FRMD6: variants seen among roughly 807,000 people sequenced by gnomAD.
The protein encoded by FRMD6 is FERM domain-containing protein 6.
Under a neutral mutation model 73.2 loss-of-function variants are expected in FRMD6, and 37 were observed. The ratio of observed to expected loss-of-function variants is 0.51; its 90% CI spans 0.39 to 0.66. The LOEUF (loss-of-function observed/expected upper bound fraction) is 0.66, where lower values mean the gene tolerates loss of function less well. FRMD6 is among the 30% of genes least tolerant of loss of function. The pLI, the probability that FRMD6 is intolerant of heterozygous loss-of-function variation, is 0.00. For missense variants in FRMD6, 714 were observed against 780.5 expected (o/e 0.91, Z 1.02); for synonymous variants, 273 against 282.2 (o/e 0.97, Z 0.33).
chr14:51,647,578 T>G (rs1892134512), upstream of FRMD6, among the ~76,000 whole-genome samples: 1 of 152,150 alleles, frequency 6.6e-6, no homozygotes, highest in African/African-American at 2.4e-5. Context: ...TTAATTAAAT[T>G]TATTTTGTTT....
intron 1 of FRMD6, among the ~76,000 whole-genome samples, chr14:51,562,591 T>A (rs1233804673): frequency 6.6e-6 from 1 of 152,154 alleles, no homozygotes; most frequent in East Asian, 1.9e-4. Context: ...CAAAGAGCAT[T>A]CCCTCACTCC....
chr14:51,416,429 G>A, the FRMD6 span, among the ~76,000 whole-genome samples: 1 of 152,204 alleles, frequency 6.6e-6, no homozygotes, highest in Non-Finnish European at 1.5e-5. Flanking sequence ...TCATTCGGGA[G>A]CAGGTTGTTC....
At chr14:51,632,663 G>T (rs1319697830) in intron 2 of FRMD6, among the ~76,000 whole-genome samples, 2 of 152,148 alleles carry the variant, frequency 1.3e-5, no homozygotes, top group Non-Finnish European at 2.9e-5. Context: ...TCTCCAAAAA[G>T]AATGTGGTCT....
chr14:51,670,666 G>C (rs1331643741), intron 1 of FRMD6, among the ~76,000 whole-genome samples: 1 of 148,526 alleles, frequency 6.7e-6, no homozygotes, highest in Admixed American at 6.7e-5. Context: ...TTTTCTTTGA[G>C]ATGGAGTCTC....
intron 1 of FRMD6, among the ~76,000 whole-genome samples, chr14:51,513,748 T>A (rs544553264): frequency 1.2e-5 from 1 of 86,716 alleles, no homozygotes; most frequent in African/African-American, 1.0e-4. Context: ...GAAGCCTCTC[T>A]GAAATTCCAT....
chr14:51,428,976 C>CAGAGGGGAGAGGGTGAGAGAG, the FRMD6 span, among the ~76,000 whole-genome samples: 1 of 54,968 alleles, frequency 1.8e-5, no homozygotes, highest in Non-Finnish European at 3.5e-5. Flanking sequence ...GGGTGAGAGA[C>CAGAGGGGAGAGGGTGAGAGAG]AGAGGGGAGA....
intron 2 of FRMD6, chr14:51,575,693 C>A (rs1202664735): frequency 6.6e-6 from 1 of 152,160 alleles, no homozygotes; most frequent in African/African-American, 2.4e-5. Context: ...CAGCTGCCTA[C>A]GCTGCAGTGC....
intron 2 of FRMD6, among the ~76,000 whole-genome samples, chr14:51,605,754 A>ATG (rs1890232805): frequency 6.6e-6 from 1 of 152,124 alleles, no homozygotes; most frequent in Non-Finnish European, 1.5e-5. Flanking sequence ...TGCTAACAGG[A>ATG]TGTGGGCTAT....
intron 1 of FRMD6, among the ~76,000 whole-genome samples, chr14:51,671,598 G>C (rs183926042): frequency 6.6e-6 from 1 of 152,142 alleles, no homozygotes; most frequent in African/African-American, 2.4e-5. Flanking sequence ...TCTCAAAGCA[G>C]CATGAATTCT....
chr14:51,651,768 C>G (rs1892406306), upstream of FRMD6: 1 of 144,528 alleles, frequency 6.9e-6, no homozygotes, highest in Non-Finnish European at 1.5e-5. Context: ...CGCGGCTCGG[C>G]TGCCGCCGCG....
chr14:51,508,559 G>A (rs1457585444), intron 1 of FRMD6, among the ~76,000 whole-genome samples: 3 of 152,132 alleles, frequency 2.0e-5, no homozygotes, highest in Non-Finnish European at 4.4e-5. Context: ...AAAATATGGA[G>A]GAAACGTAAA....
intron 1 of FRMD6, among the ~76,000 whole-genome samples, chr14:51,687,343 G>A (rs1468818399): frequency 1.3e-5 from 2 of 151,912 alleles, no homozygotes; most frequent in Non-Finnish European, 2.9e-5. Flanking sequence ...ATTACTTAAG[G>A]GTTTGAATTT....
At chr14:51,501,108 T>C (rs1421197570) in intron 1 of FRMD6, among the ~76,000 whole-genome samples, 2 of 152,210 alleles carry the variant, frequency 1.3e-5, no homozygotes, top group Non-Finnish European at 2.9e-5. Context: ...AATTATACTA[T>C]GCACTGAATA....
chr14:51,633,147 A>G (rs1289150964), intron 2 of FRMD6, among the ~76,000 whole-genome samples: 1 of 152,182 alleles, frequency 6.6e-6, no homozygotes, highest in Admixed American at 6.5e-5. Context: ...ATTTTTTTTA[A>G]CAAGTCTTTT....
At position 51,599,685 on chromosome 14, in the gene FRMD6, CACAA is replaced by C. The variant is rs1048523026; in HGVS notation, c.-147+29279_-147+29282del. On this transcript the variant is annotated intron_variant, in intron 2 of 14. Coordinates refer to the FRMD6 transcript ENST00000356218. Reference sequence around the variant, plus strand: ...ACCTCATTAAAAAGTGGGCAAAAGACACAAACAGACTTCTCATTGCCTTTCTAAG... The same window carrying C: ...ACCTCATTAAAAAGTGGGCAAAAGACACAGACTTCTCATTGCCTTTCTAAG... 2.6e-5 allele frequency: 4 copies of C among 152,206 alleles called. No homozygotes were observed. The South Asian group carries it at 6.2e-4, about 24-fold the overall frequency. 9.4% of individuals were successfully genotyped at this position (152,206 alleles called of 1,614,324 possible). A position where few individuals can be genotyped will look rare whatever the true frequency, so the allele number is the denominator to read the frequency against.
chr14:51,553,596 C>T (rs907382101), intron 1 of FRMD6, among the ~76,000 whole-genome samples: 1 of 152,094 alleles, frequency 6.6e-6, no homozygotes, highest in Non-Finnish European at 1.5e-5. Context: ...CCTGATTGTG[C>T]AGCTAAAAGG....
chr14:51,514,926 G>A (rs1174481623), intron 1 of FRMD6, among the ~76,000 whole-genome samples: 1 of 152,190 alleles, frequency 6.6e-6, no homozygotes, highest in African/African-American at 2.4e-5. Context: ...TTGAGAAGGT[G>A]GTTGTGGGTA....
At chr14:51,463,470 T>A in the FRMD6 span, among the ~76,000 whole-genome samples, 1 of 152,174 alleles carries the variant, frequency 6.6e-6, no homozygotes, top group African/African-American at 2.4e-5. Flanking sequence ...CCCCAGAAAA[T>A]TTTCAATTTG....
chr14:51,622,535 A>G (rs1890963772), intron 2 of FRMD6, among the ~76,000 whole-genome samples: 1 of 152,154 alleles, frequency 6.6e-6, no homozygotes, highest in Non-Finnish European at 1.5e-5. Flanking sequence ...GGTTCATTGT[A>G]TGTTTGTGAG....
Sources: gnomAD v4.1 joint callset for allele counts (sites outside exome capture counted in the v4.1 genomes callset) on GRCh38, gnomAD v4.1.1 for gene constraint, MANE v1.5 for transcripts, NCBI Gene and HGNC (gene_info 2026-07-23, HGNC 2026-07-21) for gene names.